IMMP2L: variants seen among roughly 807,000 people sequenced by gnomAD.
IMMP2L encodes mitochondrial inner membrane protease subunit 2.
Under a neutral mutation model 19.3 loss-of-function variants are expected in IMMP2L, and 18 were observed. That is an observed-to-expected ratio of 0.93 (90% confidence interval 0.64 to 1.38). The LOEUF is 1.38. IMMP2L is among the 40% of genes most tolerant of loss of function. The pLI is 0.00. For synonymous variants in IMMP2L, 76 were observed against 73.0 expected (o/e 1.04, Z -0.21); for missense variants, 233 against 218.2 (o/e 1.07, Z -0.43).
chr7:110,996,578 A>C (rs890178232), intron 3 of IMMP2L, among the ~76,000 whole-genome samples: 1 of 152,162 alleles, frequency 6.6e-6, no homozygotes, highest in Non-Finnish European at 1.5e-5. Context: ...CTCAGGGACC[A>C]TATGAAAGAG....
At chr7:111,451,684 C>T (rs1839204018) in intron 3 of IMMP2L, among the ~76,000 whole-genome samples, 2 of 142,086 alleles carry the variant, frequency 1.4e-5, no homozygotes, top group South Asian at 2.2e-4. Context: ...GCACAATGTG[C>T]ACATGTACCC....
At chr7:110,932,173 C>G (rs963059177) in intron 4 of IMMP2L, among the ~76,000 whole-genome samples, 1 of 152,114 alleles carries the variant, frequency 6.6e-6, no homozygotes. Flanking sequence ...CATACAGACT[C>G]ACGAGAGTGG....
At chr7:111,114,037 A>T (rs1032838228) in intron 3 of IMMP2L, among the ~76,000 whole-genome samples, 20 of 152,162 alleles carry the variant, frequency 1.3e-4, no homozygotes, top group Admixed American at 8.5e-4. Flanking sequence ...TAAAGAGTGG[A>T]CAAAATGGGA....
intron 2 of IMMP2L, among the ~76,000 whole-genome samples, chr7:111,500,575 C>A (rs887414227): frequency 2.0e-5 from 3 of 152,130 alleles, no homozygotes; most frequent in Non-Finnish European, 2.9e-5. Context: ...CAGACTGACA[C>A]CTCACATGGC....
chr7:110,800,512 T>G (rs1339953001), intron 5 of IMMP2L, among the ~76,000 whole-genome samples: 2 of 152,048 alleles, frequency 1.3e-5, no homozygotes, highest in Non-Finnish European at 2.9e-5. Flanking sequence ...ATTCATGAAG[T>G]GCTTCCCTAT....
intron 4 of IMMP2L, among the ~76,000 whole-genome samples, chr7:110,906,300 T>C (rs892304672): frequency 6.6e-6 from 1 of 152,234 alleles, no homozygotes; most frequent in Non-Finnish European, 1.5e-5. Flanking sequence ...GAAACAAAAG[T>C]ACATAGTATG....
In IMMP2L at chr7:110,973,097, T is replaced by C. The variant is rs147023595; in HGVS notation, c.240-9532A>G. ...AGTGGCTGGTCAAAGGGTAGATCTA[T>C]TGTACAGTGTGGTGACTCTAGTCAA... is the stretch of plus-strand genomic sequence containing the variant. On this transcript the variant is annotated intron_variant, in intron 3 of 5. Transcript: ENST00000405709. Among the ~76,000 whole-genome samples the C allele has an allele frequency of 3.3e-5, 5 of 152,064 alleles. No individual in the cohort carries two copies. The East Asian group carries it at 7.8e-4, about 24-fold the overall frequency.
chr7:111,289,548 T>C (rs1380390825), intron 3 of IMMP2L, among the ~76,000 whole-genome samples: 1 of 152,070 alleles, frequency 6.6e-6, no homozygotes, highest in Non-Finnish European at 1.5e-5. Flanking sequence ...GACCTGAAAT[T>C]ATAATGAGCA....
At chr7:111,540,110 A>G (rs1391531979) in intron 1 of IMMP2L, among the ~76,000 whole-genome samples, 2 of 152,174 alleles carry the variant, frequency 1.3e-5, no homozygotes, top group African/African-American at 4.8e-5. Flanking sequence ...TACCCACCTC[A>G]TTTTAATAGT....
intron 5 of IMMP2L, among the ~76,000 whole-genome samples, chr7:110,707,185 G>A (rs1375977295): frequency 1.5e-5 from 1 of 65,866 alleles, no homozygotes; most frequent in African/African-American, 6.3e-5. Context: ...TCCCCAGAGT[G>A]TGATATTCCC....
At chr7:111,556,123 A>C (rs1791326822) in intron 1 of IMMP2L, among the ~76,000 whole-genome samples, 1 of 149,280 alleles carries the variant, frequency 6.7e-6, no homozygotes, top group East Asian at 2.0e-4. Context: ...ATATGTGTGC[A>C]TACAGAGATG....
chr7:111,161,894 T>C (rs1411764458), intron 3 of IMMP2L, among the ~76,000 whole-genome samples: 1 of 152,066 alleles, frequency 6.6e-6, no homozygotes, highest in East Asian at 1.9e-4. Flanking sequence ...CAAACTAAAA[T>C]GTCTCCACTT....
intron 3 of IMMP2L, among the ~76,000 whole-genome samples, chr7:111,008,961 G>A (rs1266113559): frequency 6.6e-6 from 1 of 152,102 alleles, no homozygotes; most frequent in Non-Finnish European, 1.5e-5. Flanking sequence ...AGTTATTCAT[G>A]AAGACATCCC....
intron 3 of IMMP2L, among the ~76,000 whole-genome samples, chr7:111,218,565 A>T (rs1243088336): frequency 2.0e-5 from 3 of 152,040 alleles, no homozygotes; most frequent in Non-Finnish European, 4.4e-5. Context: ...AGAAATATCC[A>T]AGGCTATACA....
intron 1 of IMMP2L, among the ~76,000 whole-genome samples, chr7:111,530,734 T>A (rs925321949): frequency 6.6e-6 from 1 of 152,122 alleles, no homozygotes; most frequent in Non-Finnish European, 1.5e-5. Context: ...GTGGTGGGTT[T>A]AAAAATGTTC....
intron 3 of IMMP2L, among the ~76,000 whole-genome samples, chr7:111,115,219 G>A (rs989868486): frequency 6.6e-6 from 1 of 152,132 alleles, no homozygotes; most frequent in Non-Finnish European, 1.5e-5. Flanking sequence ...GTACTGTTAT[G>A]ACATATTGTA....
In IMMP2L at chr7:111,423,986, T is replaced by G. The variant is rs114681737; in HGVS notation, c.239+63252A>C. On this transcript the variant is annotated intron_variant, in intron 3 of 5. Coordinates refer to ENST00000405709, the MANE Select transcript of IMMP2L (RefSeq NM_032549.4). ...TGCAGATGGTCAATGGTAAAGCAAG[T>G]GTAGTTGTTTCAGCTGTAGAGATAA... Among the ~76,000 whole-genome samples the G allele has an allele frequency of 4.3e-3, 657 of 151,954 alleles. 15 individuals are homozygous for G. The highest frequency in any genetic ancestry group is 0.015 in the African/African-American group (635 of 41,276).
At chr7:111,501,971 A>G (rs1000130699) in intron 2 of IMMP2L, among the ~76,000 whole-genome samples, 1 of 152,146 alleles carries the variant, frequency 6.6e-6, no homozygotes, top group Non-Finnish European at 1.5e-5. Flanking sequence ...CACACATAAC[A>G]ATATTAACTT....
intron 5 of IMMP2L, among the ~76,000 whole-genome samples, chr7:110,747,917 G>T (rs1797464427): frequency 6.6e-6 from 1 of 152,180 alleles, no homozygotes; most frequent in Non-Finnish European, 1.5e-5. Context: ...GCAAGAGAAA[G>T]AAATAAAGGG....
Sources: allele counts gnomAD v4.1 joint callset (sites outside exome capture counted in the v4.1 genomes callset), GRCh38; gene constraint gnomAD v4.1.1; transcripts MANE v1.5; gene names NCBI Gene and HGNC (gene_info 2026-07-23, HGNC 2026-07-21).